The following PIEZO2 variants were observed in gnomAD, a reference collection of about 807,000 sequenced individuals.
PIEZO2 encodes the protein piezo type mechanosensitive ion channel component 2, also known as piezo-type mechanosensitive ion channel component 2.
In PIEZO2, 172 loss-of-function variants were observed where a neutral mutation model predicts 337.3. The observed-to-expected ratio is 0.51, with a 90% confidence interval of 0.45 to 0.58. The LOEUF is 0.58. Among genes scored for constraint, PIEZO2 ranks in the 20% least tolerant of loss-of-function variants. The pLI is 0.00. For synonymous variants in PIEZO2, 1,251 were observed against 1,228.5 expected (o/e 1.02, Z -0.38); for missense variants, 3,028 against 3,391.3 (o/e 0.89, Z 2.66).
chr18:10,712,195 C>T (rs1175896806), intron 39 of PIEZO2, among the ~76,000 whole-genome samples: 2 of 152,218 alleles, frequency 1.3e-5, no homozygotes, highest in Non-Finnish European at 2.9e-5. Context: ...ATCTCGAGTG[C>T]TCACCACATT....
At chr18:11,095,364 C>T (rs963299232) in intron 1 of PIEZO2, among the ~76,000 whole-genome samples, 4 of 152,168 alleles carry the variant, frequency 2.6e-5, no homozygotes, top group Admixed American at 6.5e-5. Flanking sequence ...ACCATTGACT[C>T]AGTGTTTTGG....
At chr18:10,696,671 G>A (rs960350520) in intron 45 of PIEZO2, 132 bp from the exon 46 acceptor site, 3 of 1,032,420 alleles carry the variant, frequency 2.9e-6, no homozygotes, top group Non-Finnish European at 4.2e-6. Context: ...TCCTCTCTCT[G>A]CCTCAGGATA....
chr18:10,987,842 G>A (rs1156748325), intron 2 of PIEZO2, among the ~76,000 whole-genome samples: 1 of 151,910 alleles, frequency 6.6e-6, no homozygotes, highest in African/African-American at 2.4e-5. Context: ...ACTGAATAAT[G>A]AAAAAACAAA....
At chr18:11,089,801 T>G (rs887831558) in intron 1 of PIEZO2, among the ~76,000 whole-genome samples, 4 of 152,086 alleles carry the variant, frequency 2.6e-5, no homozygotes, top group African/African-American at 9.7e-5. Context: ...TGAGTACAAG[T>G]CAAATACAAA....
intron 3 of PIEZO2, among the ~76,000 whole-genome samples, chr18:10,918,684 C>T (rs1840796041): frequency 6.6e-6 from 1 of 151,914 alleles, no homozygotes; most frequent in Non-Finnish European, 1.5e-5. Context: ...TGCATAGACT[C>T]CCCCACACAC....
intron 2 of PIEZO2, among the ~76,000 whole-genome samples, chr18:11,050,825 G>C (rs2037497712): frequency 6.9e-6 from 1 of 145,634 alleles, no homozygotes; most frequent in Admixed American, 6.8e-5. Flanking sequence ...TAAATTTTGA[G>C]TGTAAATGCA....
At position 10,691,207 on chromosome 18, in the gene PIEZO2, C is replaced by T. The variant is rs373826388; in HGVS notation, c.7349+18G>A. On this transcript the variant is annotated intron_variant, in intron 48 of 55. Coordinates refer to ENST00000674853, the MANE Select transcript of PIEZO2 (RefSeq NM_001378183.1). ...ATTCTTCCCCCATAAGTGACTGTGA[C>T]GTTGCAGAGCGTCCTACCCTTGGAA... 5.7e-5 allele frequency: 91 copies of T among 1,609,002 alleles called. No individual in the cohort carries two copies. In the African/African-American group the frequency reaches 9.2e-4, roughly 16 times the overall value.
At chr18:11,014,391 C>A (rs1268303202) in intron 2 of PIEZO2, among the ~76,000 whole-genome samples, 1 of 149,400 alleles carries the variant, frequency 6.7e-6, no homozygotes, top group East Asian at 2.0e-4. Context: ...CCCCTCATTC[C>A]TCAGTGTGGA....
At chr18:10,792,194 C>T (rs572584162) in intron 13 of PIEZO2, among the ~76,000 whole-genome samples, 2 of 152,344 alleles carry the variant, frequency 1.3e-5, no homozygotes, top group Admixed American at 6.5e-5. Flanking sequence ...GGTGATCCGC[C>T]TGCCTTGGCC....
rs2042319683 is a variant in PIEZO2 at position 10,878,221 on chromosome 18, T to G, written c.330-6806A>C. Among the ~76,000 whole-genome samples the G allele has an allele frequency of 6.6e-6, 1 of 152,242 alleles. No homozygotes were observed. Among genetic ancestry groups the G allele is most frequent in the African/African-American group, 2.4e-5 (1 of 41,472 alleles). On this transcript the variant is annotated intron_variant, in intron 4 of 55. Transcript: ENST00000674853. The surrounding 1 kb of genome is among the most constrained non-coding windows in gnomAD (Gnocchi z 4.3). The stretch of plus-strand genomic sequence containing the variant: ...GACCAGCATGGTAGATGGTGCAGTG[T>G]AAACCATCAGTAAAGGCTGGCTGGA...
In PIEZO2 at chr18:10,789,472, T is replaced by G; in HGVS notation, c.1883-107A>C. 3.1e-6 allele frequency: 4 copies of G among 1,292,254 alleles called. No individual in the cohort carries two copies. In the South Asian group the frequency reaches 4.8e-5, roughly 16 times the overall value. 80.0% of individuals were successfully genotyped at this position (1,292,254 alleles called of 1,614,324 possible). ...TAGAGGCATGCATTTTCTAAGTTAT[T>G]GTATAATTTGGATGATTTTAGACTA... On this transcript the variant is annotated intron_variant, in intron 14 of 55. Coordinates refer to ENST00000674853, the MANE Select transcript of PIEZO2 (RefSeq NM_001378183.1).
At chr18:11,063,131 G>A (rs928862907) in intron 2 of PIEZO2, among the ~76,000 whole-genome samples, 12 of 151,966 alleles carry the variant, frequency 7.9e-5, no homozygotes, top group African/African-American at 2.7e-4. Flanking sequence ...GTCCTTTGTA[G>A]GGACATGGAT....
intron 4 of PIEZO2, among the ~76,000 whole-genome samples, chr18:10,876,370 T>C (rs1032683726): frequency 6.6e-6 from 1 of 152,240 alleles, no homozygotes; most frequent in Non-Finnish European, 1.5e-5. Flanking sequence ...GACTATTACA[T>C]GTGACAGAGC....
intron 2 of PIEZO2, among the ~76,000 whole-genome samples, chr18:11,022,426 G>T (rs996819694): frequency 1.3e-5 from 2 of 152,230 alleles, no homozygotes; most frequent in African/African-American, 2.4e-5. Flanking sequence ...AGACTGGGAG[G>T]CTTCAGAAAC....
intron 20 of PIEZO2, among the ~76,000 whole-genome samples, chr18:10,771,787 G>C (rs2038611514): frequency 6.6e-6 from 1 of 152,194 alleles, no homozygotes; most frequent in Non-Finnish European, 1.5e-5. Context: ...ATCTCATGCT[G>C]TCCCGCTCTG....
At chr18:10,730,550 A>ATT (rs59905139) in intron 36 of PIEZO2, among the ~76,000 whole-genome samples, 1 of 151,790 alleles carries the variant, frequency 6.6e-6, no homozygotes, top group African/African-American at 2.4e-5. Flanking sequence ...TTCGCTTTTG[A>ATT]TTTTTTTATT....
intron 39 of PIEZO2, among the ~76,000 whole-genome samples, chr18:10,711,897 C>T (rs59250226): frequency 0.014 from 2,104 of 152,164 alleles, 55 homozygotes; most frequent in African/African-American, 0.047. Context: ...AGTTTGGATC[C>T]GACCCAGTCC....
chr18:10,976,755 A>T (rs2034453960), intron 3 of PIEZO2, among the ~76,000 whole-genome samples: 1 of 152,184 alleles, frequency 6.6e-6, no homozygotes, highest in Non-Finnish European at 1.5e-5. Context: ...GGAAATATCA[A>T]AGCCCATATA....
chr18:10,674,612 A>C (rs1035563848), intron 54 of PIEZO2, among the ~76,000 whole-genome samples: 15 of 152,214 alleles, frequency 9.9e-5, no homozygotes, highest in Non-Finnish European at 1.5e-4. Flanking sequence ...GTAGTGGCCC[A>C]TGTTGGAGAA....
Sources: allele counts gnomAD v4.1 joint callset (sites outside exome capture counted in the v4.1 genomes callset), GRCh38; gene constraint gnomAD v4.1.1; non-coding constraint Gnocchi (gnomAD v3.1); transcripts MANE v1.5; gene names NCBI Gene and HGNC (gene_info 2026-07-23, HGNC 2026-07-21).